Variants in CNTNAP2 observed in about 807,000 individuals in gnomAD.
CNTNAP2 encodes the protein contactin associated protein 2.
Under a neutral mutation model 155.2 loss-of-function variants are expected in CNTNAP2, and 98 were observed. That is an observed-to-expected ratio of 0.63 (90% CI 0.54 to 0.75). The LOEUF (loss-of-function observed/expected upper bound fraction) is 0.75, where lower values mean the gene tolerates loss of function less well. Ranked by LOEUF, CNTNAP2 falls within the 30% of genes least tolerant of loss-of-function variation. The probability of loss-of-function intolerance (pLI) is 0.00; values close to 1 mark genes in which losing one functional copy is unlikely to be tolerated. For missense variants in CNTNAP2, 1,727 were observed against 1,688.1 expected, an observed-to-expected ratio of 1.02 and a Z score of -0.40; for synonymous variants, 651 against 631.2, an observed-to-expected ratio of 1.03 and a Z score of -0.47.
At chr7:148,154,983 G>A (rs1042445901) in intron 17 of CNTNAP2, among the ~76,000 whole-genome samples, 1 of 151,772 alleles carries the variant, frequency 6.6e-6, no homozygotes, top group East Asian at 1.9e-4. Flanking sequence ...TTATAACCTA[G>A]AGAATGTGTG....
Position 146,971,598 on chromosome 7 carries a change from C to T in CNTNAP2, c.403-72309C>T, listed in dbSNP as rs1288233901. On this transcript the variant is annotated intron_variant, in intron 3 of 23. Coordinates refer to ENST00000361727, the MANE Select transcript of CNTNAP2 (RefSeq NM_014141.6). Reference sequence around the variant, plus strand: ...CTCAGGTTGCCAGCGTAGTCAGGTTCTGCTGAAGAGGCTTTTCTAGGGAGG... The same window carrying T: ...CTCAGGTTGCCAGCGTAGTCAGGTTTTGCTGAAGAGGCTTTTCTAGGGAGG... Among the ~76,000 whole-genome samples, 3 of 152,122 alleles carry T rather than the reference C, an allele frequency of 2.0e-5. No homozygotes were observed. The East Asian group carries it at 5.8e-4, about 29-fold the overall frequency.
chr7:147,940,610 C>T (rs544504988), intron 14 of CNTNAP2, among the ~76,000 whole-genome samples: 1 of 152,286 alleles, frequency 6.6e-6, no homozygotes, highest in Non-Finnish European at 1.5e-5. Context: ...ACACAACTCT[C>T]TGCAGCCTTA....
At chr7:146,851,070 C>T (rs941369013) in intron 3 of CNTNAP2, among the ~76,000 whole-genome samples, 5 of 152,086 alleles carry the variant, frequency 3.3e-5, no homozygotes, top group South Asian at 2.1e-4. Context: ...CTGCAACCTC[C>T]GCCTCCCAAG....
chr7:147,709,495 C>G (rs184518225), intron 13 of CNTNAP2, among the ~76,000 whole-genome samples: 1 of 152,132 alleles, frequency 6.6e-6, no homozygotes, highest in African/African-American at 2.4e-5. Flanking sequence ...TCTCAAATTT[C>G]ATGGACGTGA....
rs1796109847 is a variant in CNTNAP2 at position 147,359,214 on chromosome 7, CCG to C, written c.1499-36393_1499-36392del. Among the ~76,000 whole-genome samples, 3 of 152,116 alleles carry C rather than the reference CCG, an allele frequency of 2.0e-5. No individual in the cohort carries two copies. The South Asian group carries it at 6.2e-4, about 32-fold the overall frequency. On this transcript the variant is annotated intron_variant, in intron 9 of 23. Coordinates refer to ENST00000361727, the MANE Select transcript of CNTNAP2 (RefSeq NM_014141.6). The stretch of plus-strand genomic sequence containing the variant: ...CAGTTTTCTCCACCTCTGTAAATGG[CCG>C]CTCTATTCCAATTACTCATACTGTA...
At chr7:148,177,895 G>GTT (rs71527883) in intron 18 of CNTNAP2, among the ~76,000 whole-genome samples, 50,715 of 146,648 alleles carry the variant, frequency 0.35, 9,078 homozygotes, top group East Asian at 0.45. Flanking sequence ...AACAGACACT[G>GTT]TTTTTTTTTT....
intron 9 of CNTNAP2, among the ~76,000 whole-genome samples, chr7:147,379,687 C>A (rs1156722878): frequency 6.6e-6 from 1 of 151,974 alleles, no homozygotes; most frequent in Admixed American, 6.6e-5. Flanking sequence ...TCCCTCTTTG[C>A]TGACTAGTTA....
intron 1 of CNTNAP2, among the ~76,000 whole-genome samples, chr7:146,463,550 T>C (rs777327272): frequency 2.0e-5 from 3 of 152,076 alleles, no homozygotes; most frequent in Non-Finnish European, 4.4e-5. Context: ...AAGTAATATA[T>C]ATGATACACA....
Position 146,401,735 on chromosome 7 carries a change from T to C in CNTNAP2, c.97+284762T>C, listed in dbSNP as rs117442868. Among the ~76,000 whole-genome samples, 197 of 152,334 alleles carry C rather than the reference T, an allele frequency of 1.3e-3. 4 individuals are homozygous for C. In the East Asian group the frequency reaches 0.034, roughly 26 times the overall value. ...TTTCATTCCATGAAATTTTGCAAGA[T>C]GCGTTCTCTCCTTTAAGTGGATGTG... On this transcript the variant is annotated intron_variant, in intron 1 of 23. Transcript: ENST00000361727.
chr7:147,188,071 A>G (rs1362537771), intron 8 of CNTNAP2, among the ~76,000 whole-genome samples: 8 of 152,190 alleles, frequency 5.3e-5, no homozygotes, highest in African/African-American at 1.9e-4. Context: ...AAATAAATAA[A>G]TAAATAAAAT....
At chr7:148,157,276 A>C (rs1013347468) in intron 17 of CNTNAP2, among the ~76,000 whole-genome samples, 2 of 152,186 alleles carry the variant, frequency 1.3e-5, no homozygotes, top group African/African-American at 4.8e-5. Flanking sequence ...TCCCCCTAGA[A>C]CGTAAGCTAC....
At chr7:148,152,047 G>C (rs1365818195) in intron 17 of CNTNAP2, among the ~76,000 whole-genome samples, 1 of 152,106 alleles carries the variant, frequency 6.6e-6, no homozygotes, top group African/African-American at 2.4e-5. Context: ...AATAGTTCTT[G>C]GCTTTGCACA....
chr7:147,323,330 T>C (rs1795388293), intron 9 of CNTNAP2, among the ~76,000 whole-genome samples: 1 of 126,094 alleles, frequency 7.9e-6, no homozygotes, highest in Non-Finnish European at 1.6e-5. Context: ...CATTTCGTTA[T>C]GTACCCAGTA....
intron 12 of CNTNAP2, among the ~76,000 whole-genome samples, chr7:147,629,618 A>G (rs971610924): frequency 2.0e-5 from 3 of 152,032 alleles, no homozygotes; most frequent in Admixed American, 1.3e-4. Context: ...AATAAAAAGT[A>G]TATCAGGTAT....
chr7:147,798,134 G>C (rs756643302), intron 13 of CNTNAP2, among the ~76,000 whole-genome samples: 2 of 152,122 alleles, frequency 1.3e-5, no homozygotes, highest in African/African-American at 2.4e-5. Flanking sequence ...CAAATACATT[G>C]TTGTCACAGT....
chr7:147,906,700 T>C (rs1005297601), intron 14 of CNTNAP2, among the ~76,000 whole-genome samples: 1 of 152,176 alleles, frequency 6.6e-6, no homozygotes, highest in Non-Finnish European at 1.5e-5. Flanking sequence ...CATCAAGTGA[T>C]CTACCTGCCT....
chr7:147,612,503 C>A (rs980050083), intron 12 of CNTNAP2, among the ~76,000 whole-genome samples: 2 of 150,948 alleles, frequency 1.3e-5, no homozygotes, highest in African/African-American at 4.9e-5. Context: ...CAGGTCCAAG[C>A]GATTCTCCTG....
chr7:146,150,821 C>T (rs906499821), intron 1 of CNTNAP2, among the ~76,000 whole-genome samples: 11 of 151,910 alleles, frequency 7.2e-5, no homozygotes, highest in African/African-American at 2.7e-4. Context: ...CACCACTAAT[C>T]TTTATTATTT....
chr7:148,412,268 T>TAAAC (rs1298152298), intron 23 of CNTNAP2, among the ~76,000 whole-genome samples: 1 of 152,246 alleles, frequency 6.6e-6, no homozygotes, highest in Non-Finnish European at 1.5e-5. Context: ...AGTCTTGAAA[T>TAAAC]AAACAATGTA....
Sources: allele counts gnomAD v4.1 joint callset (sites outside exome capture counted in the v4.1 genomes callset), GRCh38; gene constraint gnomAD v4.1.1; transcripts MANE v1.5; gene names NCBI Gene and HGNC (gene_info 2026-07-23, HGNC 2026-07-21).